Variants in DRC1 observed in about 807,000 individuals in gnomAD.
DRC1 encodes dynein regulatory complex subunit 1, also known as dynein regulatory complex protein 1.
Under a neutral mutation model 98.7 loss-of-function variants are expected in DRC1, and 74 were observed. That is an observed-to-expected ratio of 0.75 (90% CI 0.62 to 0.91). The LOEUF (loss-of-function observed/expected upper bound fraction) is 0.91. Among genes scored for constraint, DRC1 ranks in the 40% least tolerant of loss-of-function variants. DRC1 has a pLI of 0.00. For missense variants in DRC1, 875 were observed against 886.0 expected (o/e 0.99, Z 0.16); for synonymous variants, 336 against 334.1 (o/e 1.01, Z -0.06).
At chr2:26,419,005 C>T (rs1419169518) in intron 2 of DRC1, among the ~76,000 whole-genome samples, 1 of 150,754 alleles carries the variant, frequency 6.6e-6, no homozygotes, top group Non-Finnish European at 1.5e-5. Flanking sequence ...TCCCCTGCCT[C>T]AGCCTCCCAA....
intron 2 of DRC1, among the ~76,000 whole-genome samples, chr2:26,416,733 T>C (rs1247476394): frequency 6.6e-6 from 1 of 152,192 alleles, no homozygotes; most frequent in African/African-American, 2.4e-5. Context: ...CATGTATGTG[T>C]GAGTTCGTTT....
At chr2:26,413,010 C>T (rs1255201271) in intron 1 of DRC1, among the ~76,000 whole-genome samples, 4 of 152,206 alleles carry the variant, frequency 2.6e-5, no homozygotes, top group African/African-American at 9.6e-5. Context: ...TCTCGATCTC[C>T]TGACCTCGCG....
intron 1 of DRC1, among the ~76,000 whole-genome samples, chr2:26,405,146 A>C (rs1678376321): frequency 1.3e-5 from 2 of 152,146 alleles, no homozygotes. Flanking sequence ...AGGGAGCATG[A>C]ATCTTTACCA....
intron 1 of DRC1, among the ~76,000 whole-genome samples, chr2:26,408,154 CAA>C (rs909510957): frequency 1.3e-5 from 2 of 152,062 alleles, no homozygotes; most frequent in Non-Finnish European, 2.9e-5. Context: ...GTGGAGGTGA[CAA>C]AGGGAACCAA....
chr2:26,420,801 T>C (rs1663119036), intron 2 of DRC1, among the ~76,000 whole-genome samples: 1 of 151,048 alleles, frequency 6.6e-6, no homozygotes, highest in African/African-American at 2.4e-5. Flanking sequence ...TCTCACTTTG[T>C]TGCTCAGGCT....
chr2:26,444,442 CTT>C, intron 9 of DRC1, 86 bp downstream of exon 9: 1 of 1,527,782 alleles, frequency 6.5e-7, no homozygotes, highest in Non-Finnish European at 8.8e-7. Context: ...TTTCGTTGGA[CTT>C]GATGTCACCA....
intron 2 of DRC1, 135 bp downstream of exon 2, chr2:26,414,566 A>T: frequency 1.3e-6 from 1 of 741,342 alleles, no homozygotes; most frequent in Middle Eastern, 2.6e-4. Context: ...AATCTTTCCC[A>T]TTTGAGAGCT....
At chr2:26,418,388 G>C (rs1321181718) in intron 2 of DRC1, among the ~76,000 whole-genome samples, 1 of 150,068 alleles carries the variant, frequency 6.7e-6, no homozygotes, top group Non-Finnish European at 1.5e-5. Flanking sequence ...GCCAGAGGCA[G>C]GCTCTTCCTT....
At chr2:26,427,936 C>T (rs1663328854) in intron 4 of DRC1, among the ~76,000 whole-genome samples, 1 of 152,170 alleles carries the variant, frequency 6.6e-6, no homozygotes, top group African/African-American at 2.4e-5. Flanking sequence ...AATAGTACTC[C>T]CTTGTGTATA....
intron 16 of DRC1, among the ~76,000 whole-genome samples, chr2:26,455,648 C>G (rs149544609): frequency 0.011 from 1,619 of 152,352 alleles, 32 homozygotes; most frequent in African/African-American, 0.035. Context: ...TCACAACTTG[C>G]AGAGTTTGCA....
At chr2:26,405,995 G>C (rs10184950) in intron 1 of DRC1, among the ~76,000 whole-genome samples, 14,057 of 152,174 alleles carry the variant, frequency 0.092, 2,138 homozygotes, top group African/African-American at 0.32. Context: ...CGCGCATTGT[G>C]CGTAAGTGAG....
chr2:26,412,884 G>A (rs1352641048), intron 1 of DRC1, among the ~76,000 whole-genome samples: 2 of 152,208 alleles, frequency 1.3e-5, no homozygotes, highest in Admixed American at 6.5e-5. Flanking sequence ...CCGGGTTCAC[G>A]CCATTCTCCT....
At chr2:26,440,944 GATTT>G (rs1663701332) in intron 8 of DRC1, among the ~76,000 whole-genome samples, 1 of 152,164 alleles carries the variant, frequency 6.6e-6, no homozygotes. Flanking sequence ...GATGCACTAT[GATTT>G]ATTTGACCAG....
intron 2 of DRC1, among the ~76,000 whole-genome samples, chr2:26,414,745 C>T (rs1039935889): frequency 1.3e-5 from 2 of 152,214 alleles, no homozygotes; most frequent in African/African-American, 4.8e-5. Context: ...AAACATATCT[C>T]CTGTTTGTTA....
chr2:26,437,686 G>T (rs1039262292), intron 7 of DRC1, among the ~76,000 whole-genome samples: 8 of 151,788 alleles, frequency 5.3e-5, no homozygotes, highest in Non-Finnish European at 1.0e-4. Flanking sequence ...TTATAGAAGA[G>T]AAAATTATTA....
At position 26,420,267 on chromosome 2, in the gene DRC1, G is replaced by C. The variant is rs976189989; in HGVS notation, c.244-1021G>C. 2.6e-5 allele frequency among the ~76,000 whole-genome samples: 4 copies of C among 152,284 alleles called. 1 individual carries two copies. Among genetic ancestry groups the C allele is most frequent in the Non-Finnish European group, 2.9e-5 (2 of 68,036 alleles). ...AGATAGTATTCTAGGTGCAAGGGAG[G>C]CTGGGAAAGGTACCTATTTTGGGAA... On this transcript the variant is annotated intron_variant, in intron 2 of 16. Transcript: ENST00000288710.
chr2:26,451,968 C>T (rs1664018202), intron 13 of DRC1, among the ~76,000 whole-genome samples: 1 of 151,970 alleles, frequency 6.6e-6, no homozygotes, highest in Non-Finnish European at 1.5e-5. Context: ...TATGAATGAA[C>T]AACTCCTAGA....
chr2:26,420,971 C>G (rs1159533900), intron 2 of DRC1, among the ~76,000 whole-genome samples: 1 of 151,734 alleles, frequency 6.6e-6, no homozygotes, highest in Non-Finnish European at 1.5e-5. Flanking sequence ...ACCATGTTGG[C>G]CAAGCTGGTC....
intron 1 of DRC1, among the ~76,000 whole-genome samples, chr2:26,411,887 A>G (rs888612182): frequency 8.5e-5 from 13 of 152,142 alleles, no homozygotes; most frequent in Non-Finnish European, 1.8e-4. Context: ...TCTTTGATCC[A>G]GAAAGCACTT....
Sources: allele counts gnomAD v4.1 joint callset (sites outside exome capture counted in the v4.1 genomes callset), GRCh38; gene constraint gnomAD v4.1.1; transcripts MANE v1.5; gene names NCBI Gene and HGNC (gene_info 2026-07-23, HGNC 2026-07-21).